Variants in FER1L6 observed in about 807,000 individuals in gnomAD.
FER1L6 encodes the protein fer-1-like protein 6.
FER1L6 carries 177 observed loss-of-function variants against 219.2 expected under a neutral mutation model. The ratio of observed to expected loss-of-function variants is 0.81; its 90% CI spans 0.71 to 0.91. The LOEUF (loss-of-function observed/expected upper bound fraction) is 0.91, where lower values mean the gene tolerates loss of function less well. Among genes scored for constraint, FER1L6 ranks in the 40% least tolerant of loss-of-function variants. The pLI is 0.00. For missense variants in FER1L6, 2,153 were observed against 2,259.9 expected, an observed-to-expected ratio of 0.95 and a Z score of 0.96; for synonymous variants, 768 against 824.3, an observed-to-expected ratio of 0.93 and a Z score of 1.17.
chr8:123,955,202 G>A (rs1814961678), intron 1 of FER1L6, among the ~76,000 whole-genome samples: 1 of 152,184 alleles, frequency 6.6e-6, no homozygotes, highest in South Asian at 2.1e-4. Flanking sequence ...CCGGGAGGTG[G>A]AGGTGGCAGT....
chr8:124,042,576 A>C (rs1224601592), intron 20 of FER1L6, among the ~76,000 whole-genome samples: 1 of 152,224 alleles, frequency 6.6e-6, no homozygotes, highest in African/African-American at 2.4e-5. Context: ...TTCCATTTTC[A>C]TAAGAAAGGG....
At chr8:123,930,804 T>C (rs554896684) in intron 1 of FER1L6, among the ~76,000 whole-genome samples, 20 of 152,316 alleles carry the variant, frequency 1.3e-4, no homozygotes, top group Admixed American at 4.6e-4. Context: ...AATAAGCAGA[T>C]GTTGCTGTTC....
chr8:124,033,214 T>C lies in FER1L6; in HGVS notation c.2287-2063T>C, dbSNP rs1274681500. 3.9e-5 allele frequency among the ~76,000 whole-genome samples: 6 copies of C among 152,214 alleles called. No homozygotes were observed. The South Asian group carries it at 1.2e-3, about 32-fold the overall frequency. ...GCTTCCTGGGTGCCAAGAACTCTTT[T>C]AGGCACTGGGGACACGGCAGTGAAG... On this transcript the variant is annotated intron_variant, in intron 18 of 40. Transcript: ENST00000522917.
At chr8:124,065,399 TC>T (rs1251299799) in intron 26 of FER1L6, among the ~76,000 whole-genome samples, 6 of 51,158 alleles carry the variant, frequency 1.2e-4, no homozygotes, top group African/African-American at 4.0e-4. Flanking sequence ...AGCCTCCATC[TC>T]AAAAAAAAAA....
chr8:124,049,348 CCCTTTTAGGATCATACAGGT>C (rs778877858), intron 21 of FER1L6, among the ~76,000 whole-genome samples: 13 of 152,028 alleles, frequency 8.6e-5, no homozygotes, highest in African/African-American at 9.7e-5. Context: ...GCCTGTATGA[CCCTTTTAGGATCATACAGGT>C]CCTTTTAGGA....
intron 1 of FER1L6, among the ~76,000 whole-genome samples, chr8:123,903,776 G>T (rs373463231): frequency 5.9e-5 from 9 of 152,318 alleles, no homozygotes; most frequent in African/African-American, 2.2e-4. Context: ...ATGTGCCACT[G>T]CTGGGAATAC....
intron 1 of FER1L6, among the ~76,000 whole-genome samples, chr8:123,875,109 C>T (rs964261876): frequency 3.9e-5 from 6 of 152,102 alleles, no homozygotes; most frequent in Admixed American, 2.0e-4. Flanking sequence ...GCAGGAGAAT[C>T]GCTTGAACCC....
intron 1 of FER1L6, among the ~76,000 whole-genome samples, chr8:123,900,244 T>C (rs1406768211): frequency 6.6e-6 from 1 of 152,120 alleles, no homozygotes; most frequent in Non-Finnish European, 1.5e-5. Context: ...AGTATATATA[T>C]ATATTTGCAG....
At chr8:124,090,605 T>A (rs560204681) in intron 33 of FER1L6, among the ~76,000 whole-genome samples, 7 of 152,348 alleles carry the variant, frequency 4.6e-5, no homozygotes, top group African/African-American at 1.7e-4. Context: ...CTCCATTTTA[T>A]AAGCCATGTT....
rs114837161 is a variant in FER1L6, at chr8:123,920,555, C to T, written c.-7-35437C>T. 1.8e-3 allele frequency among the ~76,000 whole-genome samples: 272 copies of T among 152,356 alleles called. 1 individual carries two copies. Among genetic ancestry groups the T allele is most frequent in the Middle Eastern group, 0.01 (3 of 294 alleles). On this transcript the variant is annotated intron_variant, in intron 1 of 40. Transcript: ENST00000522917. The stretch of plus-strand genomic sequence containing the variant: ...AGAGCTCGGCCAGGAGGGCCCACGT[C>T]TAGCCTGAGTGACCACTTAGCAGGG...
chr8:124,013,903 A>G (rs1818062033), intron 15 of FER1L6, among the ~76,000 whole-genome samples: 1 of 152,182 alleles, frequency 6.6e-6, no homozygotes, highest in Non-Finnish European at 1.5e-5. Context: ...AAAATACCAT[A>G]GTAGGGCTGA....
intron 1 of FER1L6, among the ~76,000 whole-genome samples, chr8:123,955,759 T>C (rs969092913): frequency 6.6e-6 from 1 of 152,184 alleles, no homozygotes; most frequent in African/African-American, 2.4e-5. Flanking sequence ...CTACGTGCAA[T>C]TCCAGGTGGA....
intron 32 of FER1L6, among the ~76,000 whole-genome samples, chr8:124,081,089 G>A (rs1324715793): frequency 1.3e-5 from 2 of 152,236 alleles, no homozygotes; most frequent in East Asian, 1.9e-4. Context: ...CTGACCATGA[G>A]GGCAGCAGCC....
At chr8:123,986,295 G>T in intron 12 of FER1L6, 119 bp downstream of exon 12, 1 of 612,776 alleles carries the variant, frequency 1.6e-6, no homozygotes, top group Non-Finnish European at 2.9e-6. Context: ...TTGCATCTCA[G>T]AATGAGATGA....
intron 1 of FER1L6, among the ~76,000 whole-genome samples, chr8:123,916,060 C>G (rs1313526783): frequency 6.8e-6 from 1 of 147,944 alleles, no homozygotes; most frequent in African/African-American, 2.5e-5. Flanking sequence ...TTTCCTTCAT[C>G]CCCAAGTGTA....
intron 15 of FER1L6, among the ~76,000 whole-genome samples, chr8:124,014,833 T>C (rs1027369263): frequency 7.9e-5 from 12 of 152,204 alleles, no homozygotes; most frequent in South Asian, 2.1e-4. Context: ...ATCATAGTTA[T>C]TATCTCACTG....
At chr8:123,982,370 C>T (rs1028819677) in intron 11 of FER1L6, among the ~76,000 whole-genome samples, 1 of 152,156 alleles carries the variant, frequency 6.6e-6, no homozygotes, top group African/African-American at 2.4e-5. Context: ...GATGAAGACA[C>T]TTGAAGCAGA....
chr8:124,067,799 C>T lies in FER1L6; in HGVS notation c.3711C>T (p.Gly1237=). ...AKERNPKGKK[G]NTEAKPDEVV... ...AGAGAAATCCCAAGGGAAAAAAAGG[C>T]AATACAGGTAAGCAGTTATTCTGGG... Residue 1237 remains glycine, a synonymous_variant, in exon 28 of 41, where the codon GGC becomes GGT. Coordinates refer to ENST00000522917, the MANE Select transcript of FER1L6 (RefSeq NM_001039112.2). 1 of 1,612,196 alleles carries T rather than the reference C, an allele frequency of 6.2e-7. No individual in the cohort carries two copies. Among genetic ancestry groups the T allele is most frequent in the Non-Finnish European group, 8.5e-7 (1 of 1,178,390 alleles).
intron 15 of FER1L6, among the ~76,000 whole-genome samples, chr8:124,016,654 G>T (rs190422594): frequency 1.3e-5 from 2 of 152,096 alleles, no homozygotes; most frequent in Non-Finnish European, 2.9e-5. Context: ...TCAGCAGGTT[G>T]CCTTTTCATT....
Sources: allele counts gnomAD v4.1 joint callset (sites outside exome capture counted in the v4.1 genomes callset), GRCh38; gene constraint gnomAD v4.1.1; transcripts MANE v1.5; gene names NCBI Gene and HGNC (gene_info 2026-07-23, HGNC 2026-07-21).